The following PTPRN2 variants were observed in gnomAD, a reference collection of about 807,000 sequenced individuals.
PTPRN2 encodes the protein protein tyrosine phosphatase receptor type N2.
Under a neutral mutation model 118.8 loss-of-function variants are expected in PTPRN2, and 74 were observed. That is an observed-to-expected ratio of 0.62 (90% CI 0.52 to 0.76). The LOEUF (loss-of-function observed/expected upper bound fraction) is 0.76. Among genes scored for constraint, PTPRN2 ranks in the 30% least tolerant of loss-of-function variants. The pLI, the probability that PTPRN2 is intolerant of heterozygous loss-of-function variation, is 0.00. For synonymous variants in PTPRN2, 641 were observed against 608.0 expected (o/e 1.05, Z -0.80); for missense variants, 1,481 against 1,394.4 (o/e 1.06, Z -0.99).
Position 158,548,272 on chromosome 7 carries a change from G to A in PTPRN2, c.112+39286C>T, listed in dbSNP as rs116439120. On this transcript the variant is annotated intron_variant, in intron 1 of 22. Coordinates refer to ENST00000389418, the MANE Select transcript of PTPRN2 (RefSeq NM_002847.5). ...GTGTGCAAACCTCACTGCTCTGAAC[G>A]GCCCTGATCCAAGAGCAGCCGGCCC... Among the ~76,000 whole-genome samples the A allele has an allele frequency of 5.4e-3, 829 of 152,314 alleles. 11 individuals carry two copies. The highest frequency in any genetic ancestry group is 0.019 in the African/African-American group (795 of 41,568).
Position 158,387,230 on chromosome 7 carries a change from GGA to G in PTPRN2, c.164-70300_164-70299del, listed in dbSNP as rs567105052. Among the ~76,000 whole-genome samples the G allele has an allele frequency of 4.6e-5, 7 of 152,312 alleles. No homozygotes were observed. In the South Asian group the frequency reaches 1.5e-3, roughly 32 times the overall value. ...CGGACAGATCTCCTGGTACCACATGGGAGACCAGAAACCTTTCCATGAAACTT... is the reference window on the plus strand; with the variant it reads ...CGGACAGATCTCCTGGTACCACATGGGACCAGAAACCTTTCCATGAAACTT... On this transcript the variant is annotated intron_variant, in intron 2 of 22. Transcript: ENST00000389418.
intron 1 of PTPRN2, among the ~76,000 whole-genome samples, chr7:158,584,779 C>T (rs1357690522): frequency 6.6e-6 from 1 of 152,194 alleles, no homozygotes; most frequent in African/African-American, 2.4e-5. Context: ...AACTCAGAGA[C>T]AGCAGTTATC....
At chr7:158,163,401 C>T (rs112263049) in intron 6 of PTPRN2, among the ~76,000 whole-genome samples, 13 of 123,964 alleles carry the variant, frequency 1.0e-4, no homozygotes, top group East Asian at 2.6e-4. Context: ...GTGATGCCTG[C>T]ACGGGGTTCT....
chr7:157,590,714 C>T lies in PTPRN2; in HGVS notation c.2496+4524G>A, dbSNP rs530763471. On this transcript the variant is annotated intron_variant, in intron 17 of 22. Coordinates refer to ENST00000389418, the MANE Select transcript of PTPRN2 (RefSeq NM_002847.5). The surrounding 1 kb of genome is among the most constrained non-coding windows in gnomAD (Gnocchi z 4.0). ...GAGAGGCTGGTGAGCATGGAGTGAC[C>T]TCGATGCCCCATGCTCACCGAGGGG... 2.0e-5 allele frequency among the ~76,000 whole-genome samples: 3 copies of T among 152,182 alleles called. No individual in the cohort carries two copies. Among genetic ancestry groups the T allele is most frequent in the East Asian group, 3.9e-4 (2 of 5,142 alleles).
rs561670170 is a variant in PTPRN2, at chr7:158,556,136, A to G, written c.112+31422T>C. 2.6e-5 allele frequency among the ~76,000 whole-genome samples: 4 copies of G among 152,368 alleles called. No homozygotes were observed. The South Asian group carries it at 8.3e-4, about 32-fold the overall frequency. ...GACTATGTTCTATTGATAGATGATG[A>G]TAGATAATGATAGAGGATAGATATA... On this transcript the variant is annotated intron_variant, in intron 1 of 22. Coordinates refer to ENST00000389418, the MANE Select transcript of PTPRN2 (RefSeq NM_002847.5).
rs1273374158 is a variant in PTPRN2 at position 158,167,258 on chromosome 7, A to C, written c.583T>G (p.Tyr195Asp). 2 of 1,609,950 alleles carry C rather than the reference A, an allele frequency of 1.2e-6. No homozygotes were observed. The highest frequency in any genetic ancestry group is 1.1e-5 in the South Asian group (1 of 90,692). The change falls in exon 6 of 23, where the codon TAT becomes GAT. Residue 195 changes from tyrosine to aspartate, a missense_variant. Transcript: ENST00000389418. ...GTCAGCGCAGACGTGTGGGCCACAT[A>C]GGTCAGGATGCTCTCGGAGAAGCGG... ...DDRFSESILT[Y>D]VAHTSALTYP...
rs527428669 is a variant in PTPRN2 at position 157,788,978 on chromosome 7, C to T, written c.1789-106041G>A. ...CACCTTCCCCAAGGAACGGAGCTCA[C>T]GCCCCTTCCTGCCTCCATTTCCCAA... is the stretch of plus-strand genomic sequence containing the variant. On this transcript the variant is annotated intron_variant, in intron 12 of 22. Transcript: ENST00000389418. Among the ~76,000 whole-genome samples the T allele has an allele frequency of 4.4e-4, 67 of 152,382 alleles. 1 individual carries two copies. The South Asian group carries it at 0.011, about 26-fold the overall frequency.
rs368999966 is a variant in PTPRN2 at position 158,521,588 on chromosome 7, C to T, written c.113-31803G>A. Reference sequence around the variant, plus strand: ...GGTACTGGCTCAGGGGGGAGGTCCACGTCACAATGGTGGACTGTCCAGGTA... The same window carrying T: ...GGTACTGGCTCAGGGGGGAGGTCCATGTCACAATGGTGGACTGTCCAGGTA... On this transcript the variant is annotated intron_variant, in intron 1 of 22. Transcript: ENST00000389418. Among the ~76,000 whole-genome samples, 44 of 133,640 alleles carry T rather than the reference C, an allele frequency of 3.3e-4. 6 individuals carry two copies. The highest frequency in any genetic ancestry group is 2.8e-3 in the South Asian group (11 of 3,862). 87.7% of individuals were successfully genotyped at this position (133,640 alleles called of 152,430 possible).
intron 3 of PTPRN2, among the ~76,000 whole-genome samples, chr7:158,286,288 A>G (rs1799764623): frequency 1.3e-5 from 2 of 152,238 alleles, no homozygotes; most frequent in Non-Finnish European, 2.9e-5. Context: ...AGATCATGTC[A>G]TCTGCAAACA....
At chr7:158,029,203 TCCGTATCCTCTC>T (rs1252553062) in intron 11 of PTPRN2, 3 of 129,274 alleles carry the variant, frequency 2.3e-5, no homozygotes, top group Non-Finnish European at 5.1e-5. Flanking sequence ...GGGCACGGGG[TCCGTATCCTCTC>T]GCCGGGGGCA....
intron 4 of PTPRN2, among the ~76,000 whole-genome samples, chr7:158,204,534 G>T (rs1826966361): frequency 6.6e-6 from 1 of 151,764 alleles, no homozygotes; most frequent in Admixed American, 6.6e-5. Flanking sequence ...TCATTTTCAT[G>T]TTTTTTTTTA....
chr7:158,502,610 A>T (rs1218921663), intron 1 of PTPRN2, among the ~76,000 whole-genome samples: 1 of 152,260 alleles, frequency 6.6e-6, no homozygotes, highest in Non-Finnish European at 1.5e-5. Context: ...AAGTGGTCTC[A>T]CATCCCCCAG....
At chr7:158,480,482 C>CT (rs1305759045) in intron 2 of PTPRN2, among the ~76,000 whole-genome samples, 1 of 152,142 alleles carries the variant, frequency 6.6e-6, no homozygotes, top group Non-Finnish European at 1.5e-5. Context: ...ACAGTGGCCT[C>CT]TAAGTGTTCA....
At position 157,881,743 on chromosome 7, in the gene PTPRN2, T is replaced by TA. The variant is rs34531048; in HGVS notation, c.1788+16929dup. Among the ~76,000 whole-genome samples, 6,157 of 146,170 alleles carry TA rather than the reference T, an allele frequency of 0.042. 293 individuals carry two copies. The highest frequency in any genetic ancestry group is 0.25 in the East Asian group (1,234 of 5,034). ...TGTTCTTTTTGCTTTATGATCTCAT[T>TA]AAAAAAAAAAAAATAGATTGGCACT... On this transcript the variant is annotated intron_variant, in intron 12 of 22. Transcript: ENST00000389418. This position sits in a 1 kb window ranked among gnomAD's most constrained non-coding sequence, Gnocchi z 4.7.
At chr7:157,920,731 A>T (rs1172075572) in intron 11 of PTPRN2, among the ~76,000 whole-genome samples, 1 of 152,204 alleles carries the variant, frequency 6.6e-6, no homozygotes, top group African/African-American at 2.4e-5. Context: ...CACATGCAAA[A>T]AGTGAATCCA....
At chr7:158,411,352 G>A (rs915362965) in intron 2 of PTPRN2, among the ~76,000 whole-genome samples, 3 of 152,092 alleles carry the variant, frequency 2.0e-5, no homozygotes, top group Admixed American at 6.5e-5. Context: ...GATGAAGTGC[G>A]GGGCCTGGCA....
intron 12 of PTPRN2, among the ~76,000 whole-genome samples, chr7:157,824,382 G>A (rs1807040417): frequency 6.6e-6 from 1 of 152,190 alleles, no homozygotes; most frequent in Admixed American, 6.5e-5. Context: ...GTTTGTCTTG[G>A]GATGTTAAGG....
chr7:157,989,865 CG>C (rs1289121590), intron 11 of PTPRN2, among the ~76,000 whole-genome samples: 7 of 152,086 alleles, frequency 4.6e-5, no homozygotes, highest in African/African-American at 1.7e-4. Flanking sequence ...CTTCCACACT[CG>C]GCCAAGGTCT....
chr7:157,799,804 C>T (rs116512525), intron 12 of PTPRN2, among the ~76,000 whole-genome samples: 1 of 122,816 alleles, frequency 8.1e-6, no homozygotes, highest in Non-Finnish European at 1.8e-5. Context: ...CGGCCTACCC[C>T]GTCCCTCAGA....
Sources: allele counts gnomAD v4.1 joint callset (sites outside exome capture counted in the v4.1 genomes callset), GRCh38; gene constraint gnomAD v4.1.1; non-coding constraint Gnocchi (gnomAD v3.1); transcripts MANE v1.5; gene names NCBI Gene and HGNC (gene_info 2026-07-23, HGNC 2026-07-21).